IFRD1: variants seen among roughly 807,000 people sequenced by gnomAD.
The protein encoded by IFRD1 is interferon-related developmental regulator 1.
IFRD1 carries 35 observed loss-of-function variants against 52.9 expected under a neutral mutation model. That is an observed-to-expected ratio of 0.66 (90% CI 0.51 to 0.88). The LOEUF (loss-of-function observed/expected upper bound fraction) is 0.88. IFRD1 is among the 40% of genes least tolerant of loss of function. The pLI is 0.00. For synonymous variants in IFRD1, 184 were observed against 188.4 expected, an observed-to-expected ratio of 0.98 and a Z score of 0.19; for missense variants, 517 against 550.8, an observed-to-expected ratio of 0.94 and a Z score of 0.61.
rs1795920419 is a variant in IFRD1 at position 112,477,023 on chromosome 7, A to C, written c.*1504A>C. 2 of 152,272 alleles carry C rather than the reference A, an allele frequency of 1.3e-5. No individual in the cohort carries two copies. The highest frequency in any genetic ancestry group is 3.9e-4 in the East Asian group (2 of 5,170). The allele number at this position is 152,272 out of a possible 1,614,324, so 9.4% of individuals were successfully genotyped here. On this transcript the variant is annotated 3_prime_UTR_variant, in exon 12 of 12. Transcript: ENST00000403825. ...CCATCCCCCAGTTACAGTGCAGTGG[A>C]AAACAGGTTTAGAATCTAGAACTTG... is the stretch of plus-strand genomic sequence containing the variant.
chr7:112,476,814 C>A lies in IFRD1; in HGVS notation c.*1295C>A, dbSNP rs761056552. The A allele has an allele frequency of 2.6e-5, 4 of 152,176 alleles. No homozygotes were observed. The highest frequency in any genetic ancestry group is 5.9e-5 in the Non-Finnish European group (4 of 68,030). 9.4% of individuals were successfully genotyped at this position (152,176 alleles called of 1,614,324 possible). On this transcript the variant is annotated 3_prime_UTR_variant, in exon 12 of 12. Coordinates refer to ENST00000403825, the MANE Select transcript of IFRD1 (RefSeq NM_001550.4). ...AATCCGTAGACTTGTTTCTTTGATA[C>A]TCTTGCTGTAGGTCGCCGTGAGGGG...
chr7:112,475,610 A>G lies in IFRD1; in HGVS notation c.*91A>G, dbSNP rs555125998. 9.0e-5 allele frequency: 69 copies of G among 763,904 alleles called. No homozygotes were observed. The African/African-American group carries it at 9.2e-4, about 10-fold the overall frequency. The allele number at this position is 763,904 out of a possible 1,614,324, so 47.3% of individuals were successfully genotyped here. A position where few individuals can be genotyped will look rare whatever the true frequency, so the allele number is the denominator to read the frequency against. On this transcript the variant is annotated 3_prime_UTR_variant, in exon 12 of 12. Coordinates refer to ENST00000403825, the MANE Select transcript of IFRD1 (RefSeq NM_001550.4). ...CTAGACACAGTTTTTATCCTGGATT[A>G]ACTTAGATAACTTTTGTAGCAGTGG...
intron 11 of IFRD1, among the ~76,000 whole-genome samples, chr7:112,475,037 C>A (rs1795861738): frequency 6.6e-6 from 1 of 152,242 alleles, no homozygotes; most frequent in South Asian, 2.1e-4. Context: ...CGGCTCACTG[C>A]AACCTCTGCC....
chr7:112,452,549 T>C, intron 1 of IFRD1: 1 of 639,348 alleles, frequency 1.6e-6, no homozygotes, highest in Non-Finnish European at 1.9e-6. Context: ...GTTGATGAAA[T>C]GGAAAAGTTT....
In IFRD1 at chr7:112,438,908, C is replaced by T. The variant is rs111862368; in HGVS notation, c.-181-11600C>T. 4.6e-3 allele frequency among the ~76,000 whole-genome samples: 696 copies of T among 152,092 alleles called. 9 individuals are homozygous for T. Among genetic ancestry groups the T allele is most frequent in the African/African-American group, 0.016 (657 of 41,466 alleles). On this transcript the variant is annotated intron_variant, in intron 1 of 12. Transcript: ENST00000005558. ...AATGAAAGTTAGCCACCTGGGATAC[C>T]GTTGACAGAAAAATGGATTCCTCCC... is the stretch of plus-strand genomic sequence containing the variant.
At chr7:112,475,021 T>A (rs890547009) in intron 11 of IFRD1, among the ~76,000 whole-genome samples, 1 of 151,982 alleles carries the variant, frequency 6.6e-6, no homozygotes, top group Non-Finnish European at 1.5e-5. Context: ...TGCAGTGGCG[T>A]GATCTCGGCT....
Position 112,450,929 on chromosome 7 carries a change from C to T in IFRD1, c.94+147C>T, listed in dbSNP as rs1584484581. 7.3e-6 allele frequency: 5 copies of T among 688,240 alleles called. No individual in the cohort carries two copies. In the East Asian group the frequency reaches 1.0e-4, roughly 14 times the overall value. 42.6% of individuals were successfully genotyped at this position (688,240 alleles called of 1,614,324 possible). A position where few individuals can be genotyped will look rare whatever the true frequency, so the allele number is the denominator to read the frequency against. ...GTGGTTTGGCTACTGAACTACAATT[C>T]CCAGCGTGCCCTGGGCGCTGCTCCT... On this transcript the variant is annotated intron_variant, in intron 1 of 11. Coordinates refer to ENST00000403825, the MANE Select transcript of IFRD1 (RefSeq NM_001550.4).
intron 1 of IFRD1, among the ~76,000 whole-genome samples, chr7:112,432,701 C>G (rs1283369132): frequency 6.6e-6 from 1 of 152,164 alleles, no homozygotes; most frequent in Non-Finnish European, 1.5e-5. Context: ...GGCTTCAGAG[C>G]CCATGCTGCT....
In IFRD1 at chr7:112,455,984, T is replaced by C; in HGVS notation, c.200-18T>C. On this transcript the variant is annotated intron_variant, in intron 2 of 11. Transcript: ENST00000403825. Reference sequence around the variant, plus strand: ...TTTTTCTTTTAAATTACGATGGCTGTTTTATATTATTTCTTAGGACCAGAA... The same window carrying C: ...TTTTTCTTTTAAATTACGATGGCTGCTTTATATTATTTCTTAGGACCAGAA... The C allele has an allele frequency of 6.5e-7, 1 of 1,546,958 alleles. No homozygotes were observed. The highest frequency in any genetic ancestry group is 2.2e-5 in the East Asian group (1 of 44,536).
intron 1 of IFRD1, chr7:112,437,198 A>G (rs112608374): frequency 6.5e-6 from 1 of 154,746 alleles, no homozygotes; most frequent in East Asian, 1.9e-4. Context: ...TTCCGCAGGC[A>G]ATCAGGAGCC....
At chr7:112,445,161 A>G (rs371005886) in intron 1 of IFRD1, among the ~76,000 whole-genome samples, 1,566 of 145,494 alleles carry the variant, frequency 0.011, 32 homozygotes, top group African/African-American at 0.035. Context: ...CCGCTTCCCG[A>G]GTTCATGCCA....
In IFRD1 at chr7:112,440,620, TC is replaced by T. The variant is rs533274936; in HGVS notation, c.-181-9886del. Among the ~76,000 whole-genome samples the T allele has an allele frequency of 2.4e-3, 369 of 152,290 alleles. 4 individuals are homozygous for T. Among genetic ancestry groups the T allele is most frequent in the African/African-American group, 8.1e-3 (335 of 41,552 alleles). On this transcript the variant is annotated intron_variant, in intron 1 of 12. Transcript: ENST00000005558. ...TAATTTAGAAAGGTGCTAACATGCCTCCAAAGTGTTAGAGAATCTGTTCCTA... is the reference window on the plus strand; with the variant it reads ...TAATTTAGAAAGGTGCTAACATGCCTCAAAGTGTTAGAGAATCTGTTCCTA...
chr7:112,472,108 A>G (rs1228175812), intron 9 of IFRD1, 111 bp from the exon 10 acceptor site: 25 of 1,100,132 alleles, frequency 2.3e-5, no homozygotes, highest in Non-Finnish European at 3.5e-5. Flanking sequence ...AGTTTAAGCC[A>G]TATTGTTCAT....
At chr7:112,435,522 A>G (rs1441065925) in intron 1 of IFRD1, 1 of 151,994 alleles carries the variant, frequency 6.6e-6, no homozygotes, top group Non-Finnish European at 1.5e-5. Flanking sequence ...TTCTAGCTGA[A>G]TGTCATCTTT....
chr7:112,454,801 A>G (rs557423966), intron 1 of IFRD1, among the ~76,000 whole-genome samples: 75 of 143,614 alleles, frequency 5.2e-4, no homozygotes, highest in African/African-American at 1.9e-3. Context: ...ATCTGTTTTC[A>G]TTGTCTTCAT....
chr7:112,428,868 T>C (rs566909811), intron 1 of IFRD1, among the ~76,000 whole-genome samples: 1 of 152,294 alleles, frequency 6.6e-6, no homozygotes, highest in South Asian at 2.1e-4. Context: ...TACCAGTAGA[T>C]TAATCTTCCT....
rs541086067 is a variant in IFRD1 at position 112,435,144 on chromosome 7, C to T, written c.-182+11712C>T. Among the ~76,000 whole-genome samples the T allele has an allele frequency of 5.3e-5, 8 of 152,210 alleles. No individual in the cohort carries two copies. In the South Asian group the frequency reaches 6.2e-4, roughly 12 times the overall value. On this transcript the variant is annotated intron_variant, in intron 1 of 12. Transcript: ENST00000005558. ...GTGAACAGAGTAATATTTTATTGGA[C>T]GGCAATAATTTTACTTTAGATTTCA...
rs113658722 is a variant in IFRD1, at chr7:112,441,258, G to C, written c.-181-9250G>C. On this transcript the variant is annotated intron_variant, in intron 1 of 12. Coordinates refer to the IFRD1 transcript ENST00000005558. ...CCACTGCACTCCAGCCTGGGCAATA[G>C]AGTGAGATCCTGTCTTAAAAAAAAC... Among the ~76,000 whole-genome samples the C allele has an allele frequency of 8.9e-4, 135 of 152,098 alleles. 3 individuals are homozygous for C. The highest frequency in any genetic ancestry group is 3.0e-3 in the African/African-American group (125 of 41,516).
intron 5 of IFRD1, among the ~76,000 whole-genome samples, chr7:112,459,760 A>G (rs1795385808): frequency 6.6e-6 from 1 of 152,086 alleles, no homozygotes; most frequent in African/African-American, 2.4e-5. Context: ...GCCCACCTCT[A>G]GGTTCTCTCG....
Sources: gnomAD v4.1 joint callset for allele counts (sites outside exome capture counted in the v4.1 genomes callset) on GRCh38, gnomAD v4.1.1 for gene constraint, MANE v1.5 for transcripts, NCBI Gene and HGNC (gene_info 2026-07-23, HGNC 2026-07-21) for gene names.